PPP1R9A: variants seen among roughly 807,000 people sequenced by gnomAD.
PPP1R9A encodes protein phosphatase 1 regulatory subunit 9A, also known as neurabin-1.
PPP1R9A carries 59 observed loss-of-function variants against 141.9 expected under a neutral mutation model. The ratio of observed to expected loss-of-function variants is 0.42; its 90% confidence interval spans 0.34 to 0.52. PPP1R9A has a LOEUF of 0.52. Among genes scored for constraint, PPP1R9A ranks in the 20% least tolerant of loss-of-function variants. The probability of loss-of-function intolerance (pLI) is 0.10; values close to 1 mark genes in which losing one functional copy is unlikely to be tolerated. For synonymous variants in PPP1R9A, 500 were observed against 569.7 expected, an observed-to-expected ratio of 0.88 and a Z score of 1.74; for missense variants, 1,444 against 1,611.9, an observed-to-expected ratio of 0.90 and a Z score of 1.78.
chr7:95,083,655 C>T (rs1437271361), intron 2 of PPP1R9A, among the ~76,000 whole-genome samples: 8 of 151,870 alleles, frequency 5.3e-5, no homozygotes, highest in Non-Finnish European at 1.0e-4. Flanking sequence ...GCAGAGATTT[C>T]GGAGGCTCCG....
chr7:95,173,967 C>G (rs569996415), intron 5 of PPP1R9A, among the ~76,000 whole-genome samples: 101 of 152,106 alleles, frequency 6.6e-4, no homozygotes, highest in Admixed American at 1.6e-3. Flanking sequence ...GTAGGGTTTT[C>G]CAAAGTTAGG....
At chr7:95,181,637 T>C (rs1426536633) in intron 5 of PPP1R9A, among the ~76,000 whole-genome samples, 1 of 140,080 alleles carries the variant, frequency 7.1e-6, no homozygotes, top group Non-Finnish European at 1.5e-5. Flanking sequence ...CACATATATA[T>C]AGAATATATA....
chr7:95,267,534 T>C (rs1327298185), intron 12 of PPP1R9A, among the ~76,000 whole-genome samples: 2 of 152,108 alleles, frequency 1.3e-5, no homozygotes, highest in African/African-American at 4.8e-5. Context: ...ATGGGTACCT[T>C]TCCTTTAGAA....
chr7:95,194,627 C>T (rs2152842277), intron 5 of PPP1R9A, among the ~76,000 whole-genome samples: 1 of 148,828 alleles, frequency 6.7e-6, no homozygotes, highest in African/African-American at 2.5e-5. Context: ...TCGCAGAATA[C>T]AAGGCCAGTA....
At chr7:95,070,592 G>GATATATAT (rs1563193267) in intron 2 of PPP1R9A, among the ~76,000 whole-genome samples, 5 of 64,420 alleles carry the variant, frequency 7.8e-5, no homozygotes, top group South Asian at 3.0e-4. Flanking sequence ...TTAAATCTCT[G>GATATATAT]GTATATATAT....
chr7:95,251,702 G>C, intron 10 of PPP1R9A, 60 bp from the exon 11 acceptor site: 2 of 1,476,936 alleles, frequency 1.4e-6, no homozygotes, highest in Non-Finnish European at 1.8e-6. Flanking sequence ...TATTGTTTCA[G>C]ATAAGAACTT....
intron 2 of PPP1R9A, among the ~76,000 whole-genome samples, chr7:94,938,776 CAG>C (rs1273162712): frequency 1.1e-4 from 17 of 152,158 alleles, no homozygotes; most frequent in Admixed American, 1.1e-3. Context: ...CATAAGCTAT[CAG>C]AGATAGAATC....
chr7:95,022,110 A>C (rs1426121468), intron 2 of PPP1R9A, among the ~76,000 whole-genome samples: 1 of 152,138 alleles, frequency 6.6e-6, no homozygotes, highest in Non-Finnish European at 1.5e-5. Context: ...ATGAGCATGG[A>C]ATGTTTTCCA....
chr7:95,011,724 G>GA (rs1460773974), intron 2 of PPP1R9A, among the ~76,000 whole-genome samples: 1 of 152,128 alleles, frequency 6.6e-6, no homozygotes, highest in Non-Finnish European at 1.5e-5. Flanking sequence ...CACTGGCTTG[G>GA]AAAGGGAGCT....
chr7:95,131,730 A>G (rs1418707839), intron 4 of PPP1R9A, among the ~76,000 whole-genome samples: 1 of 151,894 alleles, frequency 6.6e-6, no homozygotes, highest in African/African-American at 2.4e-5. Flanking sequence ...ATGAAAAATG[A>G]CATTGGTAGT....
intron 2 of PPP1R9A, among the ~76,000 whole-genome samples, chr7:95,108,633 T>G (rs1048693567): frequency 7.2e-5 from 11 of 152,116 alleles, no homozygotes; most frequent in African/African-American, 2.7e-4. Flanking sequence ...GTCTCAAAAA[T>G]TATACACAGT....
At chr7:95,188,039 G>A (rs932782598) in intron 5 of PPP1R9A, among the ~76,000 whole-genome samples, 1 of 151,756 alleles carries the variant, frequency 6.6e-6, no homozygotes, top group African/African-American at 2.4e-5. Flanking sequence ...CCATTATTTT[G>A]TTGACTTTCT....
chr7:94,972,069 G>A (rs1798910493), intron 2 of PPP1R9A, among the ~76,000 whole-genome samples: 1 of 152,268 alleles, frequency 6.6e-6, no homozygotes, highest in African/African-American at 2.4e-5. Flanking sequence ...AGATATTTCT[G>A]TTATGGCCAT....
intron 5 of PPP1R9A, among the ~76,000 whole-genome samples, chr7:95,197,651 G>GTT (rs1836478397): frequency 6.6e-6 from 1 of 152,046 alleles, no homozygotes; most frequent in African/African-American, 2.4e-5. Flanking sequence ...AATGTTTGTT[G>GTT]TTGTTGTTGT....
At chr7:94,965,986 C>T (rs11974725) in intron 2 of PPP1R9A, among the ~76,000 whole-genome samples, 2,104 of 152,160 alleles carry the variant, frequency 0.014, 37 homozygotes, top group African/African-American at 0.048. Flanking sequence ...TGTGTCCTCT[C>T]TTATTTCCTT....
At chr7:95,157,264 C>A (rs540453660) in intron 4 of PPP1R9A, among the ~76,000 whole-genome samples, 61 of 152,160 alleles carry the variant, frequency 4.0e-4, no homozygotes, top group African/African-American at 5.1e-4. Context: ...CCTCTCCCCC[C>A]CCAGAGTGCA....
intron 8 of PPP1R9A, among the ~76,000 whole-genome samples, chr7:95,233,204 T>C (rs1007541658): frequency 6.6e-6 from 1 of 152,154 alleles, no homozygotes; most frequent in African/African-American, 2.4e-5. Context: ...AAAGGATGAC[T>C]TAATGTCCTT....
chr7:95,225,938 T>C, intron 7 of PPP1R9A, 23 bp from the exon 8 acceptor site: 1 of 1,584,600 alleles, frequency 6.3e-7, no homozygotes, highest in Non-Finnish European at 8.6e-7. Flanking sequence ...ACAGCTGGAT[T>C]TCTGAAATCC....
intron 5 of PPP1R9A, among the ~76,000 whole-genome samples, chr7:95,183,446 TTC>T (rs1452131980): frequency 3.3e-5 from 4 of 120,920 alleles, no homozygotes; most frequent in Admixed American, 1.8e-4. Context: ...GGCAAAAATA[TTC>T]TTTTTTTTTT....
Sources: allele counts gnomAD v4.1 joint callset (sites outside exome capture counted in the v4.1 genomes callset), GRCh38; gene constraint gnomAD v4.1.1; transcripts MANE v1.5; gene names NCBI Gene and HGNC (gene_info 2026-07-23, HGNC 2026-07-21).